Variants in FIRRM observed in about 807,000 individuals in gnomAD.
FIRRM encodes FIGNL1 interacting regulator of recombination and mitosis, also known as FIGNL1-interacting regulator of recombination and mitosis.
the FIRRM span, among the ~76,000 whole-genome samples, chr1:169,841,112 G>A: frequency 1.6e-4 from 24 of 152,164 alleles, no homozygotes; most frequent in Non-Finnish European, 2.5e-4. Context: ...TTATTATTTC[G>A]ATGTATGTTC....
chr1:169,835,225 G>A, the FIRRM span, among the ~76,000 whole-genome samples: 3 of 152,002 alleles, frequency 2.0e-5, no homozygotes, highest in East Asian at 5.8e-4. Flanking sequence ...ATCCCAGTAT[G>A]GTGATGATAT....
At chr1:169,806,199 G>A in the FIRRM span, 163 of 656,756 alleles carry the variant, frequency 2.5e-4, no homozygotes, top group African/African-American at 2.8e-3. Context: ...TGAATTTAAT[G>A]TTCACTGACA....
At chr1:169,837,240 T>C in the FIRRM span, 8 of 657,004 alleles carry the variant, frequency 1.2e-5, no homozygotes, top group Non-Finnish European at 1.8e-5. Flanking sequence ...TAGAACCTAG[T>C]AAGATTTTCA....
the FIRRM span, among the ~76,000 whole-genome samples, chr1:169,788,970 A>G: frequency 6.6e-6 from 1 of 152,216 alleles, no homozygotes; most frequent in Non-Finnish European, 1.5e-5. Context: ...CAGAAATTGG[A>G]TAGCTAGTAG....
the FIRRM span, among the ~76,000 whole-genome samples, chr1:169,828,538 A>G: frequency 1.3e-5 from 2 of 151,316 alleles, no homozygotes; most frequent in Non-Finnish European, 2.9e-5. Flanking sequence ...TTACAATTTG[A>G]ACAGTTTTGT....
At chr1:169,841,783 T>C in the FIRRM span, among the ~76,000 whole-genome samples, 2 of 152,224 alleles carry the variant, frequency 1.3e-5, no homozygotes, top group Non-Finnish European at 2.9e-5. Context: ...ATGTATATTA[T>C]AAATTAGCTT....
the FIRRM span, among the ~76,000 whole-genome samples, chr1:169,828,568 G>T: frequency 3.3e-5 from 5 of 150,952 alleles, no homozygotes; most frequent in African/African-American, 9.8e-5. Context: ...TTTTTGTTTG[G>T]AGCAGGGTCT....
the FIRRM span, among the ~76,000 whole-genome samples, chr1:169,802,985 TTAG>T: frequency 2.0e-5 from 3 of 152,258 alleles, no homozygotes; most frequent in African/African-American, 7.2e-5. Flanking sequence ...GAAGTTTGTG[TTAG>T]TATTCTAAAT....
the FIRRM span, chr1:169,842,553 C>T: frequency 1.9e-6 from 3 of 1,610,468 alleles, no homozygotes; most frequent in Non-Finnish European, 8.5e-7. Context: ...AGGAAAGCAA[C>T]TGATCCTTTC....
the FIRRM span, chr1:169,836,959 A>G: frequency 1.2e-6 from 2 of 1,610,240 alleles, no homozygotes; most frequent in East Asian, 2.2e-5. Context: ...CCCCAAAAGA[A>G]GCAGAAAATC....
chr1:169,837,189 T>C, the FIRRM span: 4 of 1,193,514 alleles, frequency 3.4e-6, no homozygotes, highest in Admixed American at 3.0e-5. Context: ...TGGGGTTAGG[T>C]TGTTAATAAG....
the FIRRM span, among the ~76,000 whole-genome samples, chr1:169,814,080 A>G: frequency 6.6e-6 from 1 of 152,198 alleles, no homozygotes; most frequent in Non-Finnish European, 1.5e-5. Context: ...GTGTCCATGA[A>G]GATATATGTA....
chr1:169,830,456 A>G, the FIRRM span: 1 of 1,043,714 alleles, frequency 9.6e-7, no homozygotes, highest in African/African-American at 1.6e-5. Flanking sequence ...TTTAAAAATA[A>G]TTCCCAAAAC....
the FIRRM span, chr1:169,793,598 A>C: frequency 1.2e-6 from 2 of 1,614,086 alleles, no homozygotes; most frequent in East Asian, 2.2e-5. Context: ...TGAGACTGAC[A>C]GCTCTTTTGA....
the FIRRM span, among the ~76,000 whole-genome samples, chr1:169,800,185 T>TA: frequency 3.3e-5 from 5 of 152,130 alleles, no homozygotes; most frequent in African/African-American, 1.2e-4. Context: ...AGGTGCGTGC[T>TA]ACCATGCGTG....
At chr1:169,826,588 C>G in the FIRRM span, among the ~76,000 whole-genome samples, 6 of 147,608 alleles carry the variant, frequency 4.1e-5, no homozygotes, top group Non-Finnish European at 9.0e-5. Context: ...GTCTTGAACT[C>G]CTGACCTCAG....
the FIRRM span, chr1:169,851,045 C>CTTTTTTTTTTTTTTTTTTTTTTTT: frequency 5.8e-5 from 1 of 17,310 alleles, no homozygotes; most frequent in Non-Finnish European, 1.0e-4. Flanking sequence ...GCTCAGGGCC[C>CTTTTTTTTTTTTTTTTTTTTTTTT]TTTTTTTTTT....
chr1:169,823,198 C>T, the FIRRM span, among the ~76,000 whole-genome samples: 4 of 150,212 alleles, frequency 2.7e-5, no homozygotes, highest in African/African-American at 7.4e-5. Flanking sequence ...TTTCATGAGC[C>T]GAGATCACAA....
At chr1:169,847,876 T>C in the FIRRM span, 1 of 1,064,748 alleles carries the variant, frequency 9.4e-7, no homozygotes, top group Non-Finnish European at 1.4e-6. Flanking sequence ...AAGGGATTTT[T>C]AGGCTTTTTC....
Sources: gnomAD v4.1 joint callset for allele counts (sites outside exome capture counted in the v4.1 genomes callset) on GRCh38, gnomAD v4.1.1 for gene constraint, MANE v1.5 for transcripts, NCBI Gene and HGNC (gene_info 2026-07-23, HGNC 2026-07-21) for gene names.